The following GNB1 variants were observed in gnomAD, a reference collection of about 807,000 sequenced individuals.
GNB1 encodes the protein guanine nucleotide-binding protein G(I)/G(S)/G(T) subunit beta-1.
In GNB1, 2 loss-of-function variants were observed where a neutral mutation model predicts 42.9. That is an observed-to-expected ratio of 0.05 (90% confidence interval 0.02 to 0.15). GNB1 has a LOEUF of 0.15. GNB1 is among the 10% of genes least tolerant of loss of function. GNB1 has a pLI of 1.00. For missense variants in GNB1, 193 were observed against 462.2 expected, an observed-to-expected ratio of 0.42 and a Z score of 5.34; for synonymous variants, 183 against 174.7, an observed-to-expected ratio of 1.05 and a Z score of -0.38.
chr1:1,829,031 T>A (rs1369544791), intron 2 of GNB1, among the ~76,000 whole-genome samples: 1 of 152,170 alleles, frequency 6.6e-6, no homozygotes, highest in Non-Finnish European at 1.5e-5. Context: ...TTACATTCTC[T>A]AGTCTCCAGG....
At chr1:1,819,160 A>G (rs1280457851) in intron 3 of GNB1, among the ~76,000 whole-genome samples, 1 of 152,198 alleles carries the variant, frequency 6.6e-6, no homozygotes, top group Non-Finnish European at 1.5e-5. Flanking sequence ...CATGAAGGAA[A>G]ATAAGACAAT....
At chr1:1,878,041 T>C (rs1649643846) in intron 1 of GNB1, among the ~76,000 whole-genome samples, 1 of 152,166 alleles carries the variant, frequency 6.6e-6, no homozygotes, top group African/African-American at 2.4e-5. Context: ...CCAGGAGCAA[T>C]GACCCAAGAA....
intron 1 of GNB1, among the ~76,000 whole-genome samples, chr1:1,872,051 G>A (rs1008359403): frequency 5.4e-5 from 8 of 149,328 alleles, no homozygotes; most frequent in Non-Finnish European, 1.0e-4. Flanking sequence ...GCCCAGACTC[G>A]AGTACAGTTG....
chr1:1,880,436 A>G (rs1474716017), intron 1 of GNB1, among the ~76,000 whole-genome samples: 1 of 151,890 alleles, frequency 6.6e-6, no homozygotes, highest in African/African-American at 2.4e-5. Context: ...AAAATACAAA[A>G]AATTAGCCGG....
chr1:1,801,666 A>T (rs970071924), intron 7 of GNB1, among the ~76,000 whole-genome samples: 1 of 152,244 alleles, frequency 6.6e-6, no homozygotes, highest in Non-Finnish European at 1.5e-5. Context: ...CAAGTAACCC[A>T]GGCCAGGCGT....
chr1:1,877,457 T>C (rs547105304), intron 1 of GNB1, among the ~76,000 whole-genome samples: 9 of 151,912 alleles, frequency 5.9e-5, no homozygotes, highest in Admixed American at 3.3e-4. Context: ...TGAGAGATTA[T>C]AGATTTTTGC....
At chr1:1,883,840 T>C (rs1448036901) in intron 1 of GNB1, among the ~76,000 whole-genome samples, 2 of 152,232 alleles carry the variant, frequency 1.3e-5, no homozygotes, top group African/African-American at 2.4e-5. Context: ...GTGCCAATCC[T>C]TTTGAAAACT....
chr1:1,871,664 G>A (rs1298680081), intron 1 of GNB1, among the ~76,000 whole-genome samples: 3 of 152,188 alleles, frequency 2.0e-5, no homozygotes, highest in Non-Finnish European at 4.4e-5. Context: ...GCCGGCGGTT[G>A]GCACTTAGTT....
At chr1:1,882,538 T>C (rs1368248712) in intron 1 of GNB1, among the ~76,000 whole-genome samples, 4 of 151,724 alleles carry the variant, frequency 2.6e-5, no homozygotes, top group Non-Finnish European at 5.9e-5. Flanking sequence ...TTATTGTCCC[T>C]ATCAGCAAAT....
chr1:1,861,110 C>CAA (rs34626560), intron 1 of GNB1, among the ~76,000 whole-genome samples: 25,525 of 106,780 alleles, frequency 0.24, 3,342 homozygotes, highest in African/African-American at 0.26. Flanking sequence ...CTCTGTCTCA[C>CAA]AAAAAAAAAA....
rs1045423879 is a variant in GNB1, at chr1:1,822,591, A to T, written c.57+2806T>A. The stretch of plus-strand genomic sequence containing the variant: ...CAGCCTCCCAAAGTGCTGGGATTAC[A>T]GGCGTCAGCCACCGCGCCCGACCTC... On this transcript the variant is annotated intron_variant, in intron 3 of 11. Coordinates refer to ENST00000378609, the MANE Select transcript of GNB1 (RefSeq NM_002074.5). Among the ~76,000 whole-genome samples, 4 of 152,264 alleles carry T rather than the reference A, an allele frequency of 2.6e-5. No individual in the cohort carries two copies. The East Asian group carries it at 7.8e-4, about 30-fold the overall frequency.
intron 2 of GNB1, among the ~76,000 whole-genome samples, chr1:1,828,704 G>GACC (rs1647032316): frequency 6.6e-6 from 1 of 152,098 alleles, no homozygotes; most frequent in African/African-American, 2.4e-5. Context: ...GCCAACATTT[G>GACC]AGTTTCAATT....
chr1:1,889,497 T>C (rs1017160926), intron 1 of GNB1, among the ~76,000 whole-genome samples: 29 of 152,198 alleles, frequency 1.9e-4, no homozygotes, highest in African/African-American at 6.5e-4. Flanking sequence ...GGAGCCCATT[T>C]CACAATCTTA....
At position 1,790,567 on chromosome 1, in the gene GNB1, T is replaced by C; in HGVS notation, c.527A>G (p.Gln176Arg). The change falls in exon 9 of 12, where the codon CAG (glutamine) becomes CGG (arginine). Residue 176 changes from glutamine (Q) to arginine (R), a missense_variant. Physicochemically the swap from Gln to Arg is conservative, Grantham distance 43. Transcript: ENST00000378609. The surrounding 1 kb of genome is among the most constrained non-coding windows in gnomAD (Gnocchi z 5.4). ...CALWDIETGQ[Q>R]TTTFTGHTGD... ...AGTGTGTCCGGTAAACGTGGTCGTC[T>C]GCTGGCCGGTCTCGATGTCCCACAG... is the stretch of plus-strand genomic sequence containing the variant. The C allele has an allele frequency of 2.5e-6, 4 of 1,613,812 alleles. No individual in the cohort carries two copies. The highest frequency in any genetic ancestry group is 3.4e-6 in the Non-Finnish European group (4 of 1,179,760).
intron 1 of GNB1, among the ~76,000 whole-genome samples, chr1:1,884,577 G>C (rs1650041219): frequency 6.6e-6 from 1 of 152,002 alleles, no homozygotes; most frequent in African/African-American, 2.4e-5. Flanking sequence ...ATCAACATAG[G>C]GAATATATTT....
intron 8 of GNB1, among the ~76,000 whole-genome samples, chr1:1,791,625 C>A (rs762703866): frequency 6.6e-6 from 1 of 152,140 alleles, no homozygotes; most frequent in Non-Finnish European, 1.5e-5. Flanking sequence ...GTGCCTCGAC[C>A]CATGGAAGGC....
intron 3 of GNB1, among the ~76,000 whole-genome samples, chr1:1,819,068 T>C (rs370378582): frequency 3.8e-4 from 58 of 152,166 alleles, no homozygotes; most frequent in East Asian, 3.7e-3. Context: ...AGTGTCTTCA[T>C]TACTAAGGGA....
intron 8 of GNB1, among the ~76,000 whole-genome samples, chr1:1,792,096 GACTCTCATAAAATA>G (rs1646488034): frequency 6.6e-6 from 1 of 152,018 alleles, no homozygotes; most frequent in Admixed American, 6.6e-5. Flanking sequence ...AGTCTAAAAT[GACTCTCATAAAATA>G]ACTATCTGGA....
chr1:1,799,270 C>A (rs1405493846), intron 7 of GNB1, among the ~76,000 whole-genome samples: 1 of 152,104 alleles, frequency 6.6e-6, no homozygotes, highest in Non-Finnish European at 1.5e-5. Context: ...TTTTAAATAA[C>A]ACAACTCCTT....
Sources: gnomAD v4.1 joint callset for allele counts (sites outside exome capture counted in the v4.1 genomes callset) on GRCh38, gnomAD v4.1.1 for gene constraint, Gnocchi (gnomAD v3.1) non-coding constraint, MANE v1.5 for transcripts, NCBI Gene and HGNC (gene_info 2026-07-23, HGNC 2026-07-21) for gene names.